ATP7A: variants seen among roughly 807,000 people sequenced by gnomAD.
ATP7A encodes the protein ATPase copper transporting alpha.
Under a neutral mutation model 83.5 loss-of-function variants are expected in ATP7A, and 7 were observed. The observed-to-expected ratio is 0.08, with a 90% CI of 0.05 to 0.16. The LOEUF is 0.16. Among genes scored for constraint, ATP7A ranks in the 10% least tolerant of loss-of-function variants. The pLI, the probability that ATP7A is intolerant of heterozygous loss-of-function variation, is 1.00. For synonymous variants in ATP7A, 354 were observed against 395.2 expected, an observed-to-expected ratio of 0.90 and a Z score of 1.24; for missense variants, 940 against 1,120.8, an observed-to-expected ratio of 0.84 and a Z score of 2.30.
At chrX:77,990,104 T>C in intron 4 of ATP7A, 146 bp downstream of exon 4, 1 of 700,365 alleles carries the variant, frequency 1.4e-6, no homozygotes, top group Non-Finnish European at 2.1e-6. Flanking sequence ...CAGCAGTATA[T>C]ACAAAGATGC....
chrX:78,035,896 T>G (rs1557237689), intron 17 of ATP7A, among the ~76,000 whole-genome samples: 1 of 112,223 alleles, frequency 8.9e-6, no homozygotes. Context: ...TCCTGAATCA[T>G]AACTGTACTT....
At chrX:78,012,260 A>G (rs1351248729) in intron 9 of ATP7A, among the ~76,000 whole-genome samples, 3 of 112,290 alleles carry the variant, frequency 2.7e-5, no homozygotes, top group Non-Finnish European at 5.6e-5. Flanking sequence ...ATAAAAGGCA[A>G]TAATGATTTT....
chrX:77,986,573 A>G (rs1212304744), intron 2 of ATP7A, among the ~76,000 whole-genome samples: 1 of 110,815 alleles, frequency 9.0e-6, no homozygotes, highest in Non-Finnish European at 1.9e-5. Context: ...TCTCTTTCTG[A>G]TATCAGTTAA....
intron 2 of ATP7A, among the ~76,000 whole-genome samples, chrX:77,977,342 G>A (rs1182191318): frequency 8.9e-6 from 1 of 111,971 alleles, no homozygotes; most frequent in African/African-American, 3.2e-5. Flanking sequence ...ATATAGTAGT[G>A]TCTGTGCTAA....
chrX:77,931,869 G>A (rs1459146635), intron 1 of ATP7A, among the ~76,000 whole-genome samples: 1 of 94,837 alleles, frequency 1.1e-5, no homozygotes, highest in African/African-American at 4.0e-5. Context: ...CGGGCAGAGG[G>A]GCTCCTCACT....
intron 17 of ATP7A, among the ~76,000 whole-genome samples, chrX:78,034,487 T>A (rs532004294): frequency 3.6e-5 from 4 of 111,383 alleles, no homozygotes; most frequent in Middle Eastern, 4.6e-3. Context: ...GTAATCTAGG[T>A]TTGTTGAATT....
intron 1 of ATP7A, among the ~76,000 whole-genome samples, chrX:77,971,189 C>T (rs2077544729): frequency 9.0e-6 from 1 of 111,581 alleles, no homozygotes; most frequent in Non-Finnish European, 1.9e-5. Context: ...GAAGAGGAGG[C>T]CAGGTAAACT....
At chrX:77,981,154 C>A (rs1480923812) in intron 2 of ATP7A, among the ~76,000 whole-genome samples, 1 of 111,510 alleles carries the variant, frequency 9.0e-6, no homozygotes, top group Non-Finnish European at 1.9e-5. Context: ...ATATGGGACT[C>A]TTTTTTTGGC....
chrX:78,002,959 C>A, intron 5 of ATP7A, 114 bp from the exon 6 acceptor site: 2 of 807,920 alleles, frequency 2.5e-6, no homozygotes, highest in Non-Finnish European at 3.6e-6. Context: ...AGATTCAAAT[C>A]CTTTAATACT....
Position 77,985,390 on chromosome X carries a change from G to C in ATP7A, c.121-2852G>C, listed in dbSNP as rs781963577. ...TATGTTGGTAAATTGACATTTTTGG[G>C]GGGGGTGGGTGCGGGGGAACCAGGT... On this transcript the variant is annotated intron_variant, in intron 2 of 22. Transcript: ENST00000341514. 8.3e-5 allele frequency among the ~76,000 whole-genome samples: 9 copies of C among 108,849 alleles called. No homozygotes were observed. The East Asian group carries it at 2.0e-3, about 25-fold the overall frequency. 94.5% of individuals were successfully genotyped at this position (108,849 alleles called of 115,157 possible).
chrX:77,964,371 C>A (rs907734093), intron 1 of ATP7A: 27 of 111,587 alleles, frequency 2.4e-4, no homozygotes, highest in African/African-American at 8.1e-4. Context: ...TGAAAGGCTG[C>A]AGATGGATGG....
chrX:77,996,251 C>A (rs955892775), intron 4 of ATP7A, among the ~76,000 whole-genome samples: 3 of 111,135 alleles, frequency 2.7e-5, no homozygotes, highest in Admixed American at 9.6e-5. Context: ...GAGTAAGCTG[C>A]AGACATGATG....
intron 6 of ATP7A, among the ~76,000 whole-genome samples, chrX:78,006,324 A>G (rs1048746432): frequency 8.9e-6 from 1 of 112,251 alleles, no homozygotes; most frequent in African/African-American, 3.2e-5. Flanking sequence ...TGTTCATTAT[A>G]GTATTGTTTA....
At position 78,038,822 on chromosome X, in the gene ATP7A, G is replaced by A. The variant is rs1557237991; in HGVS notation, c.3512-14G>A. 7 of 1,208,733 alleles carry A rather than the reference G, an allele frequency of 5.8e-6. No individual in the cohort carries two copies. The highest frequency in any genetic ancestry group is 7.8e-6 in the Non-Finnish European group (7 of 893,393). The stretch of plus-strand genomic sequence containing the variant: ...ATTGAACTTACTAAATGTTATTTCT[G>A]TGCCTACTTTCAGATGCTCTTAATG... On this transcript the variant is annotated splice_polypyrimidine_tract_variant and intron_variant, in intron 17 of 22. Transcript: ENST00000341514.
At chrX:77,917,269 C>A (rs973897402) in intron 1 of ATP7A, among the ~76,000 whole-genome samples, 4 of 111,942 alleles carry the variant, frequency 3.6e-5, no homozygotes, top group Non-Finnish European at 5.6e-5. Flanking sequence ...GTGATAGATG[C>A]AGACCATCTT....
Position 78,046,836 on chromosome X carries a change from T to C in ATP7A, c.*266T>C. On this transcript the variant is annotated 3_prime_UTR_variant, in exon 23 of 23. Transcript: ENST00000341514. ...GAGCAGTGAGGTTTACAACAAGCCC[T>C]ACAATTAGAGATTGCTGAACTGCTG... is the stretch of plus-strand genomic sequence containing the variant. The C allele has an allele frequency of 3.4e-6, 1 of 292,482 alleles. No individual in the cohort carries two copies. Among genetic ancestry groups the C allele is most frequent in the East Asian group, 5.8e-5 (1 of 17,190 alleles). 24.1% of individuals were successfully genotyped at this position (292,482 alleles called of 1,213,427 possible). A position where few individuals can be genotyped will look rare whatever the true frequency, so the allele number is the denominator to read the frequency against.
rs782214121 is a variant in ATP7A at position 77,998,460 on chromosome X, T to C, written c.1337-18T>C. ...TGATCAATACTGCAAATGAAAAGAA[T>C]CTTTCCCTTTCTACCAGACACGAAT... On this transcript the variant is annotated intron_variant, in intron 4 of 22. Transcript: ENST00000341514. 3.3e-6 allele frequency: 4 copies of C among 1,202,823 alleles called. No individual in the cohort carries two copies. The African/African-American group carries it at 7.0e-5, about 21-fold the overall frequency.
At chrX:77,988,798 TTTC>T (rs1324590145) in intron 3 of ATP7A, 67 bp downstream of exon 3, 1 of 1,182,022 alleles carries the variant, frequency 8.5e-7, no homozygotes, top group African/African-American at 1.8e-5. Flanking sequence ...AACTTTTTGC[TTTC>T]TTCTTAAGCA....
chrX:77,998,051 A>T (rs782743778), intron 4 of ATP7A, among the ~76,000 whole-genome samples: 1 of 110,580 alleles, frequency 9.0e-6, no homozygotes, highest in East Asian at 2.8e-4. Flanking sequence ...AAATTAAAAA[A>T]AAAAATCAGC....
Sources: gnomAD v4.1 joint callset for allele counts (sites outside exome capture counted in the v4.1 genomes callset) on GRCh38, gnomAD v4.1.1 for gene constraint, MANE v1.5 for transcripts, NCBI Gene and HGNC (gene_info 2026-07-23, HGNC 2026-07-21) for gene names.